Variants in PDGFD observed in about 807,000 individuals in gnomAD.
The protein encoded by PDGFD is platelet derived growth factor D.
Under a neutral mutation model 44.7 loss-of-function variants are expected in PDGFD, and 30 were observed. The observed-to-expected ratio is 0.67, with a 90% CI of 0.50 to 0.91. The LOEUF (loss-of-function observed/expected upper bound fraction) is 0.91. Ranked by LOEUF, PDGFD falls within the 40% of genes least tolerant of loss-of-function variation. The pLI, the probability that PDGFD is intolerant of heterozygous loss-of-function variation, is 0.00. For synonymous variants in PDGFD, 173 were observed against 168.4 expected (o/e 1.03, Z -0.21); for missense variants, 445 against 457.8 (o/e 0.97, Z 0.25).
intron 3 of PDGFD, among the ~76,000 whole-genome samples, chr11:103,960,097 A>T (rs1204700420): frequency 6.6e-6 from 1 of 152,196 alleles, no homozygotes; most frequent in East Asian, 1.9e-4. Context: ...TCTTCTTTGC[A>T]TCTTGCTATA....
chr11:103,939,242 T>C (rs934298440), intron 5 of PDGFD, among the ~76,000 whole-genome samples: 3 of 152,184 alleles, frequency 2.0e-5, no homozygotes, highest in Non-Finnish European at 4.4e-5. Context: ...GAGCAGTGGT[T>C]TGTAGTTCTC....
intron 1 of PDGFD, among the ~76,000 whole-genome samples, chr11:104,003,154 T>C (rs564161764): frequency 2.6e-5 from 4 of 152,320 alleles, no homozygotes; most frequent in Non-Finnish European, 4.4e-5. Context: ...AAAGGGAATA[T>C]TAAGTGCTGA....
At chr11:104,157,162 G>A (rs1030490488) in intron 1 of PDGFD, among the ~76,000 whole-genome samples, 1 of 152,218 alleles carries the variant, frequency 6.6e-6, no homozygotes, top group African/African-American at 2.4e-5. Context: ...TGTGCTGAGC[G>A]CAGAGCGACA....
chr11:104,101,232 CTGATAGGCAACCTCAGG>C (rs1239962627), intron 1 of PDGFD, among the ~76,000 whole-genome samples: 5 of 152,166 alleles, frequency 3.3e-5, no homozygotes. Context: ...TCTCCTCAAG[CTGATAGGCAACCTCAGG>C]AAAGTCTCAG....
At chr11:104,009,985 C>T (rs1439730148) in intron 1 of PDGFD, among the ~76,000 whole-genome samples, 1 of 152,098 alleles carries the variant, frequency 6.6e-6, no homozygotes, top group Non-Finnish European at 1.5e-5. Flanking sequence ...CAATAGCTCA[C>T]ATTAGCTTTC....
chr11:104,084,666 A>C (rs1861094984), intron 1 of PDGFD, among the ~76,000 whole-genome samples: 1 of 146,884 alleles, frequency 6.8e-6, no homozygotes, highest in East Asian at 1.9e-4. Context: ...GTAATTATAT[A>C]AATTATGATA....
intron 1 of PDGFD, among the ~76,000 whole-genome samples, chr11:104,012,954 C>T (rs1463196402): frequency 6.6e-6 from 1 of 152,224 alleles, no homozygotes. Flanking sequence ...GGGCCTGCGG[C>T]CCTAAATGAG....
chr11:103,953,938 G>A (rs1294867543), intron 3 of PDGFD, among the ~76,000 whole-genome samples: 1 of 152,132 alleles, frequency 6.6e-6, no homozygotes, highest in Non-Finnish European at 1.5e-5. Flanking sequence ...ATGAAAACAT[G>A]CAATGAACCA....
In PDGFD at chr11:104,036,998, G is replaced by A. The variant is rs377754827; in HGVS notation, c.125-36743C>T. Reference sequence around the variant, plus strand: ...GAGCGACTCCTCATCGAGGACCACTGTTCCCTGGGCTCCTACGGCCTCAAA... The same window carrying A: ...GAGCGACTCCTCATCGAGGACCACTATTCCCTGGGCTCCTACGGCCTCAAA... On this transcript the variant is annotated intron_variant, in intron 1 of 6. Transcript: ENST00000393158. 4 of 1,614,114 alleles carry A rather than the reference G, an allele frequency of 2.5e-6. No individual in the cohort carries two copies. Among genetic ancestry groups the A allele is most frequent in the Admixed American group, 3.3e-5 (2 of 60,008 alleles).
At chr11:103,921,308 A>G (rs563486023) in intron 6 of PDGFD, among the ~76,000 whole-genome samples, 35 of 152,272 alleles carry the variant, frequency 2.3e-4, no homozygotes, top group Non-Finnish European at 3.7e-4. Context: ...CTCCCTCCCT[A>G]TTGCTAGAGA....
chr11:104,060,034 A>ATTT (rs1860686891), intron 1 of PDGFD, among the ~76,000 whole-genome samples: 1 of 152,218 alleles, frequency 6.6e-6, no homozygotes, highest in Non-Finnish European at 1.5e-5. Context: ...TATTTGAAGG[A>ATTT]CAATACACTA....
chr11:104,148,519 AT>A (rs1321523940), intron 1 of PDGFD, among the ~76,000 whole-genome samples: 1 of 152,174 alleles, frequency 6.6e-6, no homozygotes, highest in African/African-American at 2.4e-5. Flanking sequence ...TTTAAAAGAA[AT>A]TGCAATAATT....
At chr11:104,058,579 G>T (rs1474992072) in intron 1 of PDGFD, among the ~76,000 whole-genome samples, 3 of 152,160 alleles carry the variant, frequency 2.0e-5, no homozygotes, top group African/African-American at 7.2e-5. Flanking sequence ...AGCCACTTTG[G>T]AAAATAGTTT....
At chr11:104,125,204 G>A (rs1861824887) in intron 1 of PDGFD, among the ~76,000 whole-genome samples, 1 of 152,106 alleles carries the variant, frequency 6.6e-6, no homozygotes, top group South Asian at 2.1e-4. Flanking sequence ...TTCACAGCAT[G>A]GCTCAGAGGT....
chr11:104,048,505 T>C (rs1176768123), intron 1 of PDGFD, among the ~76,000 whole-genome samples: 1 of 152,164 alleles, frequency 6.6e-6, no homozygotes, highest in East Asian at 1.9e-4. Flanking sequence ...AATGAAAATG[T>C]CTTAACAGAA....
intron 1 of PDGFD, among the ~76,000 whole-genome samples, chr11:104,040,139 T>A (rs1860323970): frequency 1.3e-5 from 2 of 152,132 alleles, no homozygotes; most frequent in African/African-American, 4.8e-5. Flanking sequence ...TGAGATAAAC[T>A]TTTTAATATA....
chr11:104,136,344 AAG>A (rs1862004315), intron 1 of PDGFD, among the ~76,000 whole-genome samples: 1 of 152,202 alleles, frequency 6.6e-6, no homozygotes, highest in African/African-American at 2.4e-5. Context: ...CAGATTGAAC[AAG>A]AGTGTTTACC....
chr11:104,123,032 C>T (rs1861799121), intron 1 of PDGFD, among the ~76,000 whole-genome samples: 1 of 151,996 alleles, frequency 6.6e-6, no homozygotes, highest in African/African-American at 2.4e-5. Flanking sequence ...GAATTAAAAC[C>T]ACTGGGGAGT....
chr11:103,954,467 C>G (rs944838913), intron 3 of PDGFD, among the ~76,000 whole-genome samples: 9 of 152,196 alleles, frequency 5.9e-5, no homozygotes, highest in Non-Finnish European at 1.3e-4. Context: ...CATTTTTATC[C>G]TAGGTGATTA....
Sources: gnomAD v4.1 joint callset for allele counts (sites outside exome capture counted in the v4.1 genomes callset) on GRCh38, gnomAD v4.1.1 for gene constraint, MANE v1.5 for transcripts, NCBI Gene and HGNC (gene_info 2026-07-23, HGNC 2026-07-21) for gene names.